The following RNF144A variants were observed in gnomAD, a reference collection of about 807,000 sequenced individuals.
The protein encoded by RNF144A is E3 ubiquitin-protein ligase RNF144A.
A neutral mutation model predicts 38.7 loss-of-function variants in RNF144A; 11 were observed. The observed-to-expected ratio is 0.28, with a 90% CI of 0.18 to 0.47. The LOEUF (loss-of-function observed/expected upper bound fraction) is 0.47. Among genes scored for constraint, RNF144A ranks in the 20% least tolerant of loss-of-function variants. RNF144A has a pLI of 0.99. For synonymous variants in RNF144A, 149 were observed against 143.9 expected (o/e 1.04, Z -0.25); for missense variants, 316 against 377.2 (o/e 0.84, Z 1.34).
At chr2:6,990,266 G>T (rs1457901788) in intron 2 of RNF144A, among the ~76,000 whole-genome samples, 2 of 151,964 alleles carry the variant, frequency 1.3e-5, no homozygotes, top group African/African-American at 4.8e-5. Context: ...CCAAGAAAGA[G>T]CATGGGAGCT....
At chr2:6,942,690 A>G (rs1305240118) in intron 2 of RNF144A, among the ~76,000 whole-genome samples, 1 of 152,202 alleles carries the variant, frequency 6.6e-6, no homozygotes, top group Non-Finnish European at 1.5e-5. Context: ...TGGGTGCAAA[A>G]AGGGATTCAG....
intron 7 of RNF144A, among the ~76,000 whole-genome samples, chr2:7,027,240 C>G (rs1456110541): frequency 6.6e-6 from 1 of 152,230 alleles, no homozygotes; most frequent in Non-Finnish European, 1.5e-5. Context: ...CCTGGCCAAG[C>G]GCATCTCCCC....
intron 8 of RNF144A, among the ~76,000 whole-genome samples, chr2:7,031,738 C>T (rs554966782): frequency 2.6e-5 from 4 of 152,338 alleles, no homozygotes; most frequent in South Asian, 2.1e-4. Context: ...TCTTAAATGC[C>T]GACCACGTGG....
At chr2:6,948,537 A>G (rs1190288474) in intron 2 of RNF144A, among the ~76,000 whole-genome samples, 1 of 152,204 alleles carries the variant, frequency 6.6e-6, no homozygotes, top group African/African-American at 2.4e-5. Flanking sequence ...CTTCCTCAAG[A>G]TGAGGCAACG....
chr2:6,983,870 C>T (rs929702380), intron 2 of RNF144A, among the ~76,000 whole-genome samples: 7 of 152,228 alleles, frequency 4.6e-5, no homozygotes, highest in African/African-American at 1.4e-4. Flanking sequence ...GCAGAAGCCT[C>T]GGAGACACCC....
At chr2:6,922,489 C>A (rs1435126154) in intron 1 of RNF144A, among the ~76,000 whole-genome samples, 1 of 152,140 alleles carries the variant, frequency 6.6e-6, no homozygotes, top group South Asian at 2.1e-4. Flanking sequence ...TCAGGTAATT[C>A]TGTGGAGCAG....
intron 2 of RNF144A, among the ~76,000 whole-genome samples, chr2:6,963,725 G>A (rs1667482436): frequency 6.6e-6 from 1 of 152,112 alleles, no homozygotes; most frequent in Admixed American, 6.5e-5. Context: ...CATATCTAGA[G>A]TTAAAACTCA....
chr2:6,942,192 G>C (rs1000123073), intron 2 of RNF144A, among the ~76,000 whole-genome samples: 1 of 151,292 alleles, frequency 6.6e-6, no homozygotes, highest in African/African-American at 2.4e-5. Flanking sequence ...TAAGGGTAGA[G>C]TTCAGGAGAC....
Position 7,041,291 on chromosome 2 carries a change from G to T in RNF144A, c.*1531G>T, listed in dbSNP as rs776636958. The T allele has an allele frequency of 9.1e-6, 9 of 985,624 alleles. No individual in the cohort carries two copies. The highest frequency in any genetic ancestry group is 1.7e-5 in the African/African-American group (1 of 57,192). 61.1% of individuals were successfully genotyped at this position (985,624 alleles called of 1,614,324 possible). ...TTCTGCATTTGAGTATCAGTCTCAG[G>T]TCCTAGTTTACTTTCCCTGGTTGGA... On this transcript the variant is annotated 3_prime_UTR_variant, in exon 9 of 9. Transcript: ENST00000320892.
chr2:7,005,104 T>C (rs147720567), intron 3 of RNF144A, among the ~76,000 whole-genome samples: 1 of 152,226 alleles, frequency 6.6e-6, no homozygotes, highest in Non-Finnish European at 1.5e-5. Context: ...AAACTAAATA[T>C]CTTACACTGT....
intron 1 of RNF144A, among the ~76,000 whole-genome samples, chr2:6,925,556 G>A (rs1006946595): frequency 5.3e-5 from 8 of 152,132 alleles, no homozygotes; most frequent in Non-Finnish European, 1.2e-4. Flanking sequence ...TCCAAGGACA[G>A]AAGCAGGCAG....
In RNF144A at chr2:7,043,328, CA is replaced by C. The variant is rs1673163476; in HGVS notation, c.*3572del. ...GAGTTTATTGTTTTCATTTGTATTG[CA>C]AAAGTTAGAAGTCATTTTACAAATT... On this transcript the variant is annotated 3_prime_UTR_variant, in exon 9 of 9. Transcript: ENST00000320892. 1 of 984,976 alleles carries C rather than the reference CA, an allele frequency of 1.0e-6. No individual in the cohort carries two copies. The highest frequency in any genetic ancestry group is 1.7e-5 in the African/African-American group (1 of 57,268). 61.0% of individuals were successfully genotyped at this position (984,976 alleles called of 1,614,324 possible).
chr2:7,020,391 T>G, intron 5 of RNF144A, 82 bp from the exon 6 acceptor site: 1 of 1,230,142 alleles, frequency 8.1e-7, no homozygotes, highest in African/African-American at 1.5e-5. Context: ...TCCCTGTCCG[T>G]GCACTGAGGG....
intron 2 of RNF144A, among the ~76,000 whole-genome samples, chr2:6,994,236 G>C (rs1173149530): frequency 6.6e-6 from 1 of 152,148 alleles, no homozygotes; most frequent in African/African-American, 2.4e-5. Flanking sequence ...CCAATTGCCA[G>C]CTACTGCCCC....
chr2:7,011,315 A>G (rs1670785333), intron 3 of RNF144A, among the ~76,000 whole-genome samples: 1 of 152,236 alleles, frequency 6.6e-6, no homozygotes, highest in Admixed American at 6.5e-5. Flanking sequence ...CTGATATGAT[A>G]CAATTGTATT....
chr2:7,070,534 A>G (rs1674429077), downstream of RNF144A, among the ~76,000 whole-genome samples: 1 of 152,220 alleles, frequency 6.6e-6, no homozygotes, highest in Admixed American at 6.5e-5. Context: ...CCCCCCTCCC[A>G]GTACATGTGA....
chr2:6,992,696 C>T (rs897590459), intron 2 of RNF144A, among the ~76,000 whole-genome samples: 9 of 152,132 alleles, frequency 5.9e-5, no homozygotes, highest in African/African-American at 1.7e-4. Context: ...TACAGAGGTC[C>T]GTAGCCCTGG....
intron 2 of RNF144A, among the ~76,000 whole-genome samples, chr2:6,948,285 A>C (rs1263717131): frequency 1.3e-5 from 2 of 152,376 alleles, no homozygotes; most frequent in East Asian, 3.9e-4. Flanking sequence ...GAGAAGAGAC[A>C]GCCTTAGAGG....
At chr2:6,921,008 A>AT (rs1242073481) in intron 1 of RNF144A, among the ~76,000 whole-genome samples, 5 of 152,086 alleles carry the variant, frequency 3.3e-5, no homozygotes, top group Non-Finnish European at 2.9e-5. Context: ...GTTGGATCAT[A>AT]TTTTTTTTCC....
Sources: allele counts gnomAD v4.1 joint callset (sites outside exome capture counted in the v4.1 genomes callset), GRCh38; gene constraint gnomAD v4.1.1; transcripts MANE v1.5; gene names NCBI Gene and HGNC (gene_info 2026-07-23, HGNC 2026-07-21).